The following CSNK1G2 variants were observed in gnomAD, a reference collection of about 807,000 sequenced individuals.
The protein encoded by CSNK1G2 is casein kinase I isoform gamma-2.
Under a neutral mutation model 48.0 loss-of-function variants are expected in CSNK1G2, and 11 were observed. The ratio of observed to expected loss-of-function variants is 0.23; its 90% CI spans 0.14 to 0.38. The LOEUF (loss-of-function observed/expected upper bound fraction) is 0.38, where lower values mean the gene tolerates loss of function less well. Ranked by LOEUF, CSNK1G2 falls within the 10% of genes least tolerant of loss-of-function variation. The pLI is 1.00. For missense variants in CSNK1G2, 446 were observed against 595.5 expected (o/e 0.75, Z 2.61); for synonymous variants, 337 against 254.1 (o/e 1.33, Z -3.10).
chr19:1,967,878 C>T (rs1238248068), intron 1 of CSNK1G2, among the ~76,000 whole-genome samples: 1 of 38,014 alleles, frequency 2.6e-5, no homozygotes, highest in Admixed American at 2.1e-4. Flanking sequence ...CCCAGGCTGC[C>T]CCCGACCACC....
At chr19:1,976,185 A>G (rs2015747743) in intron 2 of CSNK1G2, 1 of 1,042,806 alleles carries the variant, frequency 9.6e-7, no homozygotes, top group African/African-American at 1.7e-5. Context: ...TACGAGGAGA[A>G]TTTCCTAATA....
rs1003103078 is a variant in CSNK1G2, at chr19:1,978,035, C to G, written c.188-270C>G. 3.5e-5 allele frequency among the ~76,000 whole-genome samples: 5 copies of G among 142,000 alleles called. No individual in the cohort carries two copies. Among genetic ancestry groups the G allele is most frequent in the African/African-American group, 1.3e-4 (5 of 39,794 alleles). The allele number at this position is 142,000 out of a possible 152,430, so 93.2% of individuals were successfully genotyped here. ...AGACCTCCCCAGTGCCGCTTCTGTCCTGGGCTAGGGAGGTGGGGGGGCGGG... is the reference window on the plus strand; with the variant it reads ...AGACCTCCCCAGTGCCGCTTCTGTCGTGGGCTAGGGAGGTGGGGGGGCGGG... On this transcript the variant is annotated intron_variant, in intron 2 of 11. Coordinates refer to ENST00000255641, the MANE Select transcript of CSNK1G2 (RefSeq NM_001319.7). The surrounding 1 kb of genome is among the most constrained non-coding windows in gnomAD (Gnocchi z 7.3).
chr19:1,978,730 C>T lies in CSNK1G2; in HGVS notation c.427C>T (p.Leu143=). ...CCGGACCTTCACGCTCAAGACGGTG[C>T]TGATGATCGCCATCCAGCTGGTGCG... The part of the protein sequence containing the change: ...CDRTFTLKTV[L]MIAIQLITRM... The change falls in exon 5 of 12, where the codon CTG becomes TTG. Residue 143 remains leucine (L), a synonymous_variant. Coordinates refer to ENST00000255641, the MANE Select transcript of CSNK1G2 (RefSeq NM_001319.7). This position sits in a 1 kb window ranked among gnomAD's most constrained non-coding sequence, Gnocchi z 7.3. The T allele has an allele frequency of 6.4e-7, 1 of 1,562,308 alleles. No individual in the cohort carries two copies. Among genetic ancestry groups the T allele is most frequent in the African/African-American group, 1.4e-5 (1 of 72,372 alleles).
chr19:1,947,138 G>T (rs1271597154), intron 1 of CSNK1G2, among the ~76,000 whole-genome samples: 1 of 152,162 alleles, frequency 6.6e-6, no homozygotes, highest in Non-Finnish European at 1.5e-5. Flanking sequence ...ATTGCCTTTG[G>T]AGGCTTGAAA....
intron 1 of CSNK1G2, among the ~76,000 whole-genome samples, chr19:1,947,276 C>G (rs1191134259): frequency 6.6e-6 from 1 of 152,220 alleles, no homozygotes; most frequent in Non-Finnish European, 1.5e-5. Context: ...CCAGTCCTCT[C>G]GCCTTGGCCG....
intron 1 of CSNK1G2, among the ~76,000 whole-genome samples, chr19:1,961,407 T>C (rs2015195506): frequency 6.6e-6 from 1 of 152,220 alleles, no homozygotes; most frequent in Admixed American, 6.5e-5. Flanking sequence ...TGCGTCACCC[T>C]GAGTCTCCAG....
At chr19:1,950,902 T>G (rs2014738792) in intron 1 of CSNK1G2, among the ~76,000 whole-genome samples, 1 of 145,598 alleles carries the variant, frequency 6.9e-6, no homozygotes, top group Non-Finnish European at 1.5e-5. Context: ...TTGGGAAGTT[T>G]TCGGTGAGCT....
At chr19:1,979,466 C>G in intron 8 of CSNK1G2, 29 bp from the exon 9 acceptor site, 1 of 1,528,872 alleles carries the variant, frequency 6.5e-7, no homozygotes, top group South Asian at 1.2e-5. Context: ...CCCACCCCCG[C>G]CGAGGCCCCG....
intron 2 of CSNK1G2, among the ~76,000 whole-genome samples, chr19:1,972,900 A>G (rs1373378073): frequency 1.3e-5 from 2 of 148,718 alleles, no homozygotes; most frequent in African/African-American, 5.0e-5. Context: ...CTGGGATTAC[A>G]CATGTGAGTT....
intron 1 of CSNK1G2, among the ~76,000 whole-genome samples, chr19:1,943,916 G>A (rs2014459238): frequency 6.6e-6 from 1 of 152,222 alleles, no homozygotes; most frequent in Non-Finnish European, 1.5e-5. Context: ...AGCGCTGTGG[G>A]TGCTGTTGGG....
rs370862346 is a variant in CSNK1G2, at chr19:1,957,917, G to T, written c.-265-11591G>T. 6.6e-6 allele frequency among the ~76,000 whole-genome samples: 1 copy of T among 152,134 alleles called. No homozygotes were observed. The highest frequency in any genetic ancestry group is 2.4e-5 in the African/African-American group (1 of 41,404). ...CGGCCACTGCTTAGGGCCCCCTGGA[G>T]CTGCGGGGCACACGGCAGAGCCAGC... On this transcript the variant is annotated intron_variant, in intron 1 of 11. Transcript: ENST00000255641. This position sits in a 1 kb window ranked among gnomAD's most constrained non-coding sequence, Gnocchi z 5.4.
chr19:1,953,495 C>T (rs191394637), intron 1 of CSNK1G2: 39 of 533,754 alleles, frequency 7.3e-5, no homozygotes, highest in African/African-American at 1.2e-4. Flanking sequence ...GCCTTGCCTC[C>T]GTTTGCATAA....
At position 1,980,186 on chromosome 19, in the gene CSNK1G2, C is replaced by A; in HGVS notation, c.1231C>A (p.Leu411Met). 4 of 1,612,948 alleles carry A rather than the reference C, an allele frequency of 2.5e-6. No homozygotes were observed. The highest frequency in any genetic ancestry group is 3.4e-6 in the Non-Finnish European group (4 of 1,179,872). Residue 411 changes from leucine (L) to methionine (M), a missense_variant, in exon 12 of 12, where the codon CTG becomes ATG. Physicochemically the swap from Leu to Met is conservative, Grantham distance 15. Coordinates refer to ENST00000255641, the MANE Select transcript of CSNK1G2 (RefSeq NM_001319.7). ...CFFKRRKRKS[L>M]QRHK ...CTTCAAGAGGAGAAAGAGAAAATCG[C>A]TGCAGCGACACAAGTGACCCTGGGC...
Position 1,978,170 on chromosome 19 carries a change from G to C in CSNK1G2, c.188-135G>C. The stretch of plus-strand genomic sequence containing the variant: ...CTCTGGCAGGCTGGGCCCAGGCCCT[G>C]CTGCTGGGCAGTGGTGTCATTTGGA... On this transcript the variant is annotated intron_variant, in intron 2 of 11. Coordinates refer to ENST00000255641, the MANE Select transcript of CSNK1G2 (RefSeq NM_001319.7). The surrounding 1 kb of genome is among the most constrained non-coding windows in gnomAD (Gnocchi z 7.3). 1 of 891,524 alleles carries C rather than the reference G, an allele frequency of 1.1e-6. No homozygotes were observed. 55.2% of individuals were successfully genotyped at this position (891,524 alleles called of 1,614,324 possible).
At position 1,969,846 on chromosome 19, in the gene CSNK1G2, G is replaced by A. The variant is rs759619539; in HGVS notation, c.74G>A (p.Arg25Gln). Reference sequence around the variant, plus strand: ...AGAATGTCCAAGGCCGGCGGGGGCCGGAGCAGCCACGGCATCCGGAGCTCG... The same window carrying A: ...AGAATGTCCAAGGCCGGCGGGGGCCAGAGCAGCCACGGCATCCGGAGCTCG... ...GRRMSKAGGG[R>Q]SSHGIRSSGT... The change falls in exon 2 of 12, where the codon CGG becomes CAG. Residue 25 changes from arginine to glutamine, a missense_variant. Physicochemically the swap from Arg to Gln is conservative, Grantham distance 43. Coordinates refer to ENST00000255641, the MANE Select transcript of CSNK1G2 (RefSeq NM_001319.7). The A allele has an allele frequency of 6.9e-6, 9 of 1,311,090 alleles. No individual in the cohort carries two copies. Among genetic ancestry groups the A allele is most frequent in the Admixed American group, 3.1e-5 (1 of 32,690 alleles). 81.2% of individuals were successfully genotyped at this position (1,311,090 alleles called of 1,614,324 possible).
At position 1,979,408 on chromosome 19, in the gene CSNK1G2, G is replaced by C; in HGVS notation, c.853+5G>C. ...TGCTCTGCGAGAACTTCCCAGGTAA[G>C]GGGTCCCTGCGCCCCCGCCCTGTGC... On this transcript the variant is annotated splice_donor_5th_base_variant and intron_variant, in intron 8 of 11. Coordinates refer to ENST00000255641, the MANE Select transcript of CSNK1G2 (RefSeq NM_001319.7). 6.4e-7 allele frequency: 1 copy of C among 1,567,210 alleles called. No individual in the cohort carries two copies. The highest frequency in any genetic ancestry group is 1.2e-5 in the South Asian group (1 of 85,176).
intron 1 of CSNK1G2, chr19:1,954,038 C>G (rs755164776): frequency 1.9e-6 from 1 of 527,408 alleles, no homozygotes; most frequent in Non-Finnish European, 3.9e-6. Flanking sequence ...CTGCCCATCC[C>G]TGGCGTTCAC....
chr19:1,970,873 G>A (rs2015544728), intron 2 of CSNK1G2, among the ~76,000 whole-genome samples: 1 of 151,276 alleles, frequency 6.6e-6, no homozygotes, highest in African/African-American at 2.4e-5. Flanking sequence ...GCCTCACGTG[G>A]GCACCCATGG....
intron 1 of CSNK1G2, among the ~76,000 whole-genome samples, chr19:1,942,963 C>G (rs955178044): frequency 1.1e-3 from 169 of 152,304 alleles, no homozygotes; most frequent in African/African-American, 3.8e-3. Flanking sequence ...CTTGACGTCT[C>G]TAGGGCCGAG....
Sources: allele counts gnomAD v4.1 joint callset (sites outside exome capture counted in the v4.1 genomes callset), GRCh38; gene constraint gnomAD v4.1.1; non-coding constraint Gnocchi (gnomAD v3.1); transcripts MANE v1.5; gene names NCBI Gene and HGNC (gene_info 2026-07-23, HGNC 2026-07-21).